Variants in GAB2 observed in about 807,000 individuals in gnomAD.
The protein encoded by GAB2 is GRB2-associated-binding protein 2.
Under a neutral mutation model 65.5 loss-of-function variants are expected in GAB2, and 26 were observed. The ratio of observed to expected loss-of-function variants is 0.40; its 90% CI spans 0.29 to 0.55. The LOEUF is 0.55. GAB2 is among the 20% of genes least tolerant of loss of function. The probability of loss-of-function intolerance (pLI) is 0.53; values close to 1 mark genes in which losing one functional copy is unlikely to be tolerated. For missense variants in GAB2, 884 were observed against 875.8 expected, an observed-to-expected ratio of 1.01 and a Z score of -0.12; for synonymous variants, 321 against 329.6, an observed-to-expected ratio of 0.97 and a Z score of 0.28.
At chr11:78,299,084 ACT>A (rs1350988326) in intron 1 of GAB2, among the ~76,000 whole-genome samples, 2 of 152,008 alleles carry the variant, frequency 1.3e-5, no homozygotes, top group African/African-American at 4.8e-5. Context: ...ACCTCAAATG[ACT>A]CTACTACAGA....
chr11:78,227,155 T>C (rs1864693653), intron 3 of GAB2, 104 bp from the exon 4 acceptor site: 1 of 726,158 alleles, frequency 1.4e-6, no homozygotes, highest in Non-Finnish European at 2.4e-6. Flanking sequence ...TAGGCATCTG[T>C]AAAATGGTGA....
At chr11:78,362,499 C>A (rs11237470) in intron 1 of GAB2, among the ~76,000 whole-genome samples, 422 of 151,328 alleles carry the variant, frequency 2.8e-3, no homozygotes, top group African/African-American at 9.7e-3. Flanking sequence ...TTAAAAAAAA[C>A]AACAGAAAAT....
intron 1 of GAB2, among the ~76,000 whole-genome samples, chr11:78,313,193 C>CT (rs1186036534): frequency 1.7e-4 from 25 of 150,912 alleles, no homozygotes; most frequent in African/African-American, 5.1e-4. Context: ...CACTCTAAAG[C>CT]TTTTTTTTTC....
intron 3 of GAB2, among the ~76,000 whole-genome samples, chr11:78,243,890 A>G (rs74940521): frequency 1.3e-5 from 2 of 152,114 alleles, no homozygotes; most frequent in Non-Finnish European, 2.9e-5. Context: ...TACACCAACA[A>G]ATTAGAAATC....
chr11:78,226,224 A>G (rs1864644710), intron 4 of GAB2, among the ~76,000 whole-genome samples: 1 of 152,250 alleles, frequency 6.6e-6, no homozygotes, highest in Non-Finnish European at 1.5e-5. Context: ...CCTATTCTCC[A>G]TTAGTAGAAC....
chr11:78,297,060 G>A (rs534639795), intron 1 of GAB2, among the ~76,000 whole-genome samples: 1 of 152,162 alleles, frequency 6.6e-6, no homozygotes, highest in African/African-American at 2.4e-5. Context: ...CGTTTTGGAG[G>A]GACACAAACA....
Position 78,346,721 on chromosome 11 carries a change from A to ATT in GAB2, c.76-65821_76-65820insAA, listed in dbSNP as rs1491548868. 5.8e-4 allele frequency among the ~76,000 whole-genome samples: 20 copies of ATT among 34,592 alleles called. 2 individuals carry two copies. Among genetic ancestry groups the ATT allele is most frequent in the Admixed American group, 1.0e-3 (3 of 2,920 alleles). 22.7% of individuals were successfully genotyped at this position (34,592 alleles called of 152,430 possible). On this transcript the variant is annotated intron_variant, in intron 1 of 9. Transcript: ENST00000361507. ...TATATATATATATATATATATATAT[A>ATT]ATTTTTTTTTTTTTTAGGAAAAGAA...
At chr11:78,332,042 A>G (rs1209770466) in intron 1 of GAB2, among the ~76,000 whole-genome samples, 2 of 152,332 alleles carry the variant, frequency 1.3e-5, no homozygotes, top group East Asian at 3.9e-4. Flanking sequence ...CTAGGAAAAG[A>G]CAAGAAAGGC....
At chr11:78,250,971 G>A (rs918726318) in intron 2 of GAB2, among the ~76,000 whole-genome samples, 1 of 151,960 alleles carries the variant, frequency 6.6e-6, no homozygotes, top group Admixed American at 6.6e-5. Context: ...GGAGAGAGGG[G>A]GACAAGGATT....
At chr11:78,330,982 T>C (rs1166864108) in intron 1 of GAB2, among the ~76,000 whole-genome samples, 2 of 151,908 alleles carry the variant, frequency 1.3e-5, no homozygotes, top group African/African-American at 4.8e-5. Flanking sequence ...GAGACCAGAC[T>C]GGCCAACATG....
intron 1 of GAB2, among the ~76,000 whole-genome samples, chr11:78,393,923 G>C (rs1255943477): frequency 6.6e-6 from 1 of 152,210 alleles, no homozygotes. Context: ...AGACAGAGAG[G>C]AGGTGAGTTC....
At position 78,215,902 on chromosome 11, in the gene GAB2, G is replaced by C. The variant is rs1218879282; in HGVS notation, c.*3370C>G. Reference sequence around the variant, plus strand: ...GGGCCGAGATGTCCCCATGGGAGAAGGGGCCAGAGGGAGGATGAGCTGAGC... The same window carrying C: ...GGGCCGAGATGTCCCCATGGGAGAACGGGCCAGAGGGAGGATGAGCTGAGC... On this transcript the variant is annotated 3_prime_UTR_variant, in exon 10 of 10. Transcript: ENST00000361507. 1 of 152,700 alleles carries C rather than the reference G, an allele frequency of 6.5e-6. No homozygotes were observed. The highest frequency in any genetic ancestry group is 6.5e-5 in the Admixed American group (1 of 15,288). The allele number at this position is 152,700 out of a possible 1,614,324, so 9.5% of individuals were successfully genotyped here.
At chr11:78,294,516 G>T (rs1338407585) in intron 1 of GAB2, among the ~76,000 whole-genome samples, 1 of 152,188 alleles carries the variant, frequency 6.6e-6, no homozygotes, top group South Asian at 2.1e-4. Context: ...GGCTGAACTA[G>T]TTTACAGTCC....
At chr11:78,238,206 C>CAAAAAAAAAAA (rs10541492) in intron 3 of GAB2, among the ~76,000 whole-genome samples, 4 of 104,800 alleles carry the variant, frequency 3.8e-5, no homozygotes, top group African/African-American at 1.4e-4. Context: ...AGGGAAGAAA[C>CAAAAAAAAAAA]AAAAAAAAAA....
intron 3 of GAB2, among the ~76,000 whole-genome samples, chr11:78,230,427 C>A (rs187288756): frequency 6.6e-6 from 1 of 152,244 alleles, no homozygotes; most frequent in Non-Finnish European, 1.5e-5. Flanking sequence ...CCACAAGAAG[C>A]CTTTTCACTC....
At position 78,402,324 on chromosome 11, in the gene GAB2, C is replaced by CT. The variant is rs1163788739; in HGVS notation, c.75+15321dup. Among the ~76,000 whole-genome samples, 11 of 151,864 alleles carry CT rather than the reference C, an allele frequency of 7.2e-5. No homozygotes were observed. In the East Asian group the frequency reaches 9.6e-4, roughly 13 times the overall value. On this transcript the variant is annotated intron_variant, in intron 1 of 9. Transcript: ENST00000361507. ...CTTTTTCTTCTCTAGGAAGCCTTTG[C>CT]TTTTTTTTCTTTGCAGTCCCAGAAC...
At chr11:78,375,972 T>C (rs117082846) in intron 1 of GAB2, among the ~76,000 whole-genome samples, 1,692 of 152,354 alleles carry the variant, frequency 0.011, 16 homozygotes, top group Non-Finnish European at 0.018. Context: ...AGCAGCTCTG[T>C]GCATTCCAGA....
Position 78,216,870 on chromosome 11 carries a change from C to G in GAB2, c.*2402G>C, listed in dbSNP as rs1864175168. 1 of 152,234 alleles carries G rather than the reference C, an allele frequency of 6.6e-6. No homozygotes were observed. 9.4% of individuals were successfully genotyped at this position (152,234 alleles called of 1,614,324 possible). A position where few individuals can be genotyped will look rare whatever the true frequency, so the allele number is the denominator to read the frequency against. ...ACATTCAGGGCTGGGCAGAGTGAAC[C>G]AGCACCCTGCCAACTCTGCCCAGTG... On this transcript the variant is annotated 3_prime_UTR_variant, in exon 10 of 10. Coordinates refer to ENST00000361507, the MANE Select transcript of GAB2 (RefSeq NM_080491.3).
chr11:78,380,844 C>T (rs1399883883), intron 1 of GAB2, among the ~76,000 whole-genome samples: 2 of 136,398 alleles, frequency 1.5e-5, no homozygotes, highest in Non-Finnish European at 3.0e-5. Flanking sequence ...AGAACGTTGT[C>T]CCTCCTCATG....
Sources: allele counts gnomAD v4.1 joint callset (sites outside exome capture counted in the v4.1 genomes callset), GRCh38; gene constraint gnomAD v4.1.1; transcripts MANE v1.5; gene names NCBI Gene and HGNC (gene_info 2026-07-23, HGNC 2026-07-21).